Variants in DMD observed in about 807,000 individuals in gnomAD.
DMD encodes dystrophin, also known as mutant dystrophin.
DMD carries 63 observed loss-of-function variants against 330.1 expected under a neutral mutation model. The ratio of observed to expected loss-of-function variants is 0.19; its 90% CI spans 0.16 to 0.24. DMD has a LOEUF of 0.24. Among genes scored for constraint, DMD ranks in the 10% least tolerant of loss-of-function variants. DMD has a pLI of 1.00. For missense variants in DMD, 3,344 were observed against 2,684.1 expected (o/e 1.25, Z -5.43); for synonymous variants, 1,223 against 959.8 (o/e 1.27, Z -5.07).
intron 45 of DMD, among the ~76,000 whole-genome samples, chrX:31,959,359 A>G (rs1203763524): frequency 8.9e-6 from 1 of 112,017 alleles, no homozygotes; most frequent in African/African-American, 3.2e-5. Context: ...GCCTTCCTAC[A>G]TATAAAAGGA....
chrX:31,571,254 GGTGTGTGTGTGTGT>G (rs371098859), intron 55 of DMD, among the ~76,000 whole-genome samples: 18 of 90,410 alleles, frequency 2.0e-4, no homozygotes, highest in Admixed American at 7.8e-4. Context: ...GATTTAAAGG[GGTGTGTGTGTGTGT>G]GTGTGTGTGT....
intron 54 of DMD, among the ~76,000 whole-genome samples, chrX:31,653,592 T>C (rs1280616342): frequency 9.0e-6 from 1 of 110,812 alleles, no homozygotes; most frequent in East Asian, 2.9e-4. Flanking sequence ...TTATTTCTTG[T>C]TTAAAGAGTG....
chrX:31,587,094 A>T lies in DMD; in HGVS notation c.8217+40579T>A, dbSNP rs146859125. Among the ~76,000 whole-genome samples, 662 of 112,066 alleles carry T rather than the reference A, an allele frequency of 5.9e-3. 7 individuals carry two copies. The highest frequency in any genetic ancestry group is 0.02 in the African/African-American group (610 of 30,901). On this transcript the variant is annotated intron_variant, in intron 55 of 78. Transcript: ENST00000357033. ...TACCTTTAAAGATGTTAAAAAAGAA[A>T]AAGACACAGAATAGTAACAACAACG...
chrX:32,819,409 T>G (rs2078035427), intron 5 of DMD, among the ~76,000 whole-genome samples: 1 of 111,318 alleles, frequency 9.0e-6, no homozygotes, highest in East Asian at 2.8e-4. Context: ...GTTAGCAAGA[T>G]TTGTTATTAC....
chrX:32,095,966 T>C (rs911379468), intron 44 of DMD, among the ~76,000 whole-genome samples: 2 of 110,942 alleles, frequency 1.8e-5, no homozygotes, highest in African/African-American at 6.6e-5. Context: ...GCAGGTTAGT[T>C]ACACACGTAT....
Position 32,405,720 on chromosome X carries a change from G to A in DMD, c.4233+6032C>T, listed in dbSNP as rs772943634. ...AGCTTTATTCTTTTGGCTTAGGATT[G>A]ACTTGGCGATGCAGGCTCCTTTATG... On this transcript the variant is annotated intron_variant, in intron 30 of 78. Transcript: ENST00000357033. 2.2e-4 allele frequency among the ~76,000 whole-genome samples: 25 copies of A among 111,397 alleles called. 1 individual carries two copies. The highest frequency in any genetic ancestry group is 8.1e-4 in the African/African-American group (25 of 30,698).
intron 43 of DMD, among the ~76,000 whole-genome samples, chrX:32,235,310 C>T (rs1445781606): frequency 2.7e-5 from 3 of 109,965 alleles, no homozygotes; most frequent in Non-Finnish European, 5.7e-5. Context: ...GGTTTGTGCT[C>T]CTATGGGAAT....
chrX:32,325,794 G>C (rs1450426981), intron 41 of DMD, among the ~76,000 whole-genome samples: 1 of 95,588 alleles, frequency 1.0e-5, no homozygotes, highest in African/African-American at 3.7e-5. Flanking sequence ...TTGATCTTAA[G>C]TACTCAATTT....
chrX:31,396,548 GTTTTTTTTTTT>G (rs56745544), intron 60 of DMD, among the ~76,000 whole-genome samples: 1 of 66,067 alleles, frequency 1.5e-5, no homozygotes, highest in Non-Finnish European at 2.7e-5. Flanking sequence ...AAATCCCAGG[GTTTTTTTTTTT>G]TTTTTTTTTT....
At chrX:32,440,464 C>T (rs1424772417) in intron 28 of DMD, among the ~76,000 whole-genome samples, 1 of 111,123 alleles carries the variant, frequency 9.0e-6, no homozygotes, top group Non-Finnish European at 1.9e-5. Context: ...AATTTATGCT[C>T]CTTATTTTAT....
intron 12 of DMD, among the ~76,000 whole-genome samples, chrX:32,607,754 G>T (rs1405029416): frequency 9.1e-6 from 1 of 109,943 alleles, no homozygotes; most frequent in African/African-American, 3.3e-5. Context: ...TTTCTTGTAA[G>T]GTTTCCCTAA....
At chrX:33,072,951 G>T (rs761993676) in intron 1 of DMD, among the ~76,000 whole-genome samples, 10 of 111,586 alleles carry the variant, frequency 9.0e-5, no homozygotes, top group Admixed American at 1.9e-4. Flanking sequence ...CAAATTCACC[G>T]GCCATTTTCC....
In DMD at chrX:31,818,743, C is replaced by CA. The variant is rs61081476; in HGVS notation, c.7309+1231dup. Among the ~76,000 whole-genome samples, 505 of 95,161 alleles carry CA rather than the reference C, an allele frequency of 5.3e-3. 1 individual carries two copies. The highest frequency in any genetic ancestry group is 8.0e-3 in the African/African-American group (210 of 26,157). 82.6% of individuals were successfully genotyped at this position (95,161 alleles called of 115,157 possible). ...CAGCAATTTCAGTGTCCCAGATTGA[C>CA]AAAAAAAAAAAACCATAATGCTTAA... On this transcript the variant is annotated intron_variant, in intron 50 of 78. Coordinates refer to ENST00000357033, the MANE Select transcript of DMD (RefSeq NM_004006.3).
intron 44 of DMD, among the ~76,000 whole-genome samples, chrX:32,117,518 T>A (rs1195199971): frequency 8.9e-6 from 1 of 112,027 alleles, no homozygotes; most frequent in East Asian, 2.8e-4. Flanking sequence ...GATCAAGTCA[T>A]AATCTTCTCA....
chrX:32,434,436 A>C (rs760896742), intron 29 of DMD, among the ~76,000 whole-genome samples: 35 of 112,224 alleles, frequency 3.1e-4, no homozygotes, highest in African/African-American at 1.1e-3. Flanking sequence ...ATAAAAATAG[A>C]AAATAACCAC....
intron 21 of DMD, among the ~76,000 whole-genome samples, chrX:32,484,312 A>T (rs2042211627): frequency 8.9e-6 from 1 of 112,269 alleles, no homozygotes; most frequent in Non-Finnish European, 1.9e-5. Context: ...TTATTAAAGC[A>T]ATTCAGGAAG....
rs2080580753 is a variant in DMD at position 32,845,570 on chromosome X, C to T, written c.187-710G>A. On this transcript the variant is annotated intron_variant, in intron 3 of 78. Coordinates refer to ENST00000357033, the MANE Select transcript of DMD (RefSeq NM_004006.3). ...TTGCCCAGAGAAATCTAACCTCTTT[C>T]CCTTCTCCACTCACTCACCATTTTT... Among the ~76,000 whole-genome samples the T allele has an allele frequency of 2.7e-5, 3 of 111,743 alleles. No individual in the cohort carries two copies. The Admixed American group carries it at 2.9e-4, about 11-fold the overall frequency.
At chrX:31,173,734 G>T (rs1179573199) in intron 71 of DMD, 130 bp from the exon 72 acceptor site, 8 of 473,136 alleles carry the variant, frequency 1.7e-5, no homozygotes, top group Non-Finnish European at 2.9e-5. Flanking sequence ...TATACATTTA[G>T]TTGCTCCTAT....
chrX:33,259,880 C>T lies in DMD; in HGVS notation c.7+79379G>A, dbSNP rs186785412. ...TTACAGTTCCCCCATATTTGTTGGT[C>T]TTTTTTCATGGCTTTATAGCTCATT... On this transcript the variant is annotated intron_variant, in intron 1 of 17. Coordinates refer to the DMD transcript ENST00000288447. Among the ~76,000 whole-genome samples the T allele has an allele frequency of 3.4e-3, 378 of 110,118 alleles. 3 individuals are homozygous for T. Among genetic ancestry groups the T allele is most frequent in the African/African-American group, 0.011 (344 of 30,439 alleles).
Sources: gnomAD v4.1 joint callset for allele counts (sites outside exome capture counted in the v4.1 genomes callset) on GRCh38, gnomAD v4.1.1 for gene constraint, MANE v1.5 for transcripts, NCBI Gene and HGNC (gene_info 2026-07-23, HGNC 2026-07-21) for gene names.